PCDH7: variants seen among roughly 807,000 people sequenced by gnomAD.
PCDH7 encodes protocadherin 7.
A neutral mutation model predicts 58.9 loss-of-function variants in PCDH7; 17 were observed. The ratio of observed to expected loss-of-function variants is 0.29; its 90% CI spans 0.20 to 0.43. The LOEUF (loss-of-function observed/expected upper bound fraction) is 0.43. Among genes scored for constraint, PCDH7 ranks in the 20% least tolerant of loss-of-function variants. The pLI, the probability that PCDH7 is intolerant of heterozygous loss-of-function variation, is 1.00. For missense variants in PCDH7, 1,274 were observed against 1,441.0 expected (o/e 0.88, Z 1.88); for synonymous variants, 664 against 616.4 (o/e 1.08, Z -1.14).
intron 1 of PCDH7, among the ~76,000 whole-genome samples, chr4:30,802,613 A>G (rs1725670736): frequency 6.6e-6 from 1 of 152,080 alleles, no homozygotes; most frequent in African/African-American, 2.4e-5. Flanking sequence ...ATGCAGATAA[A>G]TTTGGAGATA....
intron 3 of PCDH7, among the ~76,000 whole-genome samples, chr4:31,106,471 G>T (rs1056586623): frequency 6.6e-6 from 1 of 152,188 alleles, no homozygotes; most frequent in Non-Finnish European, 1.5e-5. Flanking sequence ...CTTTCTGAGT[G>T]CGATGAAGTG....
At chr4:30,997,050 T>A (rs1411231946) in intron 3 of PCDH7, among the ~76,000 whole-genome samples, 1 of 151,832 alleles carries the variant, frequency 6.6e-6, no homozygotes. Context: ...ACATGGTGAT[T>A]TAAACACAAG....
intron 3 of PCDH7, among the ~76,000 whole-genome samples, chr4:30,960,725 T>G (rs1264886914): frequency 6.6e-6 from 1 of 152,170 alleles, no homozygotes; most frequent in East Asian, 1.9e-4. Flanking sequence ...CAGATGCAAA[T>G]CAATTCTAGC....
intron 1 of PCDH7, among the ~76,000 whole-genome samples, chr4:30,911,473 A>G (rs1741760518): frequency 6.6e-6 from 1 of 152,186 alleles, no homozygotes; most frequent in African/African-American, 2.4e-5. Context: ...TTTCTGGCAT[A>G]TTACAGAAAA....
chr4:30,999,908 GT>G (rs1752218312), intron 3 of PCDH7, among the ~76,000 whole-genome samples: 1 of 152,048 alleles, frequency 6.6e-6, no homozygotes, highest in African/African-American at 2.4e-5. Flanking sequence ...AATGACAAAC[GT>G]TTTCTCTTGG....
rs569660276 is a variant in PCDH7 at position 30,964,135 on chromosome 4, C to A, written c.*7+13920C>A. Among the ~76,000 whole-genome samples, 22 of 152,188 alleles carry A rather than the reference C, an allele frequency of 1.4e-4. No homozygotes were observed. The East Asian group carries it at 4.3e-3, about 29-fold the overall frequency. On this transcript the variant is annotated intron_variant, in intron 3 of 3. Coordinates refer to the PCDH7 transcript ENST00000509759. ...GGAACCCACTGGGTGCTTCAGAGTT[C>A]ATTTTCTTTGGGAAATGTCTTATTC...
chr4:31,004,931 A>G (rs1752649758), intron 3 of PCDH7, among the ~76,000 whole-genome samples: 1 of 152,150 alleles, frequency 6.6e-6, no homozygotes, highest in South Asian at 2.1e-4. Context: ...ATGATTTAGT[A>G]TAAGTAGCGG....
chr4:31,022,060 AG>A (rs2109170769), intron 3 of PCDH7, among the ~76,000 whole-genome samples: 1 of 152,336 alleles, frequency 6.6e-6, no homozygotes, highest in South Asian at 2.1e-4. Flanking sequence ...TGTGAAATAA[AG>A]AACACTTCCT....
intron 1 of PCDH7, among the ~76,000 whole-genome samples, chr4:30,914,058 A>T (rs1742103692): frequency 6.6e-6 from 1 of 152,184 alleles, no homozygotes; most frequent in Admixed American, 6.5e-5. Flanking sequence ...CAGGCCTCCC[A>T]ACAGCAGAAG....
chr4:30,880,512 CA>C (rs1470140046), intron 1 of PCDH7, among the ~76,000 whole-genome samples: 2 of 151,988 alleles, frequency 1.3e-5, no homozygotes, highest in Non-Finnish European at 2.9e-5. Flanking sequence ...AACACCTCTG[CA>C]CTGAATTTCT....
At chr4:31,119,122 T>C (rs1403818686) in intron 3 of PCDH7, among the ~76,000 whole-genome samples, 1 of 152,198 alleles carries the variant, frequency 6.6e-6, no homozygotes, top group East Asian at 1.9e-4. Context: ...TTCATAAGGC[T>C]TTTATATGTT....
chr4:30,939,804 C>A (rs1295780436), intron 2 of PCDH7, among the ~76,000 whole-genome samples: 1 of 152,062 alleles, frequency 6.6e-6, no homozygotes, highest in Non-Finnish European at 1.5e-5. Flanking sequence ...TCTAATCATG[C>A]ATGGCCTGGC....
At chr4:31,121,852 T>C (rs1490426815) in intron 3 of PCDH7, among the ~76,000 whole-genome samples, 3 of 152,288 alleles carry the variant, frequency 2.0e-5, no homozygotes, top group Admixed American at 6.5e-5. Flanking sequence ...TGTGGGTCTC[T>C]TTAGTTATCT....
chr4:30,985,237 A>G (rs753599010), intron 3 of PCDH7, among the ~76,000 whole-genome samples: 12 of 152,194 alleles, frequency 7.9e-5, no homozygotes, highest in Admixed American at 1.3e-4. Context: ...GATTACAGGC[A>G]TGAGCCACCA....
chr4:30,723,687 T>A lies in PCDH7; in HGVS notation c.2265T>A (p.Pro755=), dbSNP rs1416912650. Residue 755 remains proline, a synonymous_variant, in exon 1 of 2, where the codon CCT becomes CCA. Transcript: ENST00000361762. The surrounding 1 kb of genome is among the most constrained non-coding windows in gnomAD (Gnocchi z 4.6). ...ACATTTCCTACACTTTACTGCCACC[T>A]TCGAGTAATGTCAGGACAGTAGTAG... The A allele has an allele frequency of 6.2e-7, 1 of 1,614,178 alleles. No individual in the cohort carries two copies. The highest frequency in any genetic ancestry group is 1.7e-4 in the Middle Eastern group (1 of 6,060).
downstream of PCDH7, among the ~76,000 whole-genome samples, chr4:30,736,394 C>T (rs1019948484): frequency 6.6e-6 from 1 of 152,028 alleles, no homozygotes; most frequent in African/African-American, 2.4e-5. Flanking sequence ...GGAATTAAAA[C>T]TGTTTTTAAT....
At chr4:30,775,340 A>C (rs1721920165) in intron 1 of PCDH7, among the ~76,000 whole-genome samples, 1 of 152,170 alleles carries the variant, frequency 6.6e-6, no homozygotes, top group African/African-American at 2.4e-5. Context: ...AGAGGGGAAT[A>C]AGTTCCATCT....
intron 1 of PCDH7, among the ~76,000 whole-genome samples, chr4:30,906,680 A>G (rs1740972888): frequency 6.6e-6 from 1 of 152,204 alleles, no homozygotes; most frequent in African/African-American, 2.4e-5. Context: ...ATATTAGAAA[A>G]GTGCTGTTAT....
chr4:31,032,662 G>GGAAGGAAA (rs1429207118), intron 3 of PCDH7, among the ~76,000 whole-genome samples: 2 of 98,682 alleles, frequency 2.0e-5, no homozygotes, highest in African/African-American at 7.7e-5. Flanking sequence ...GAGAGAGGAA[G>GGAAGGAAA]GAAGGAAGGG....
Sources: gnomAD v4.1 joint callset for allele counts (sites outside exome capture counted in the v4.1 genomes callset) on GRCh38, gnomAD v4.1.1 for gene constraint, Gnocchi (gnomAD v3.1) non-coding constraint, MANE v1.5 for transcripts, NCBI Gene and HGNC (gene_info 2026-07-23, HGNC 2026-07-21) for gene names.